Variants in PPME1 observed in about 807,000 individuals in gnomAD.
PPME1 encodes protein phosphatase methylesterase 1, also known as testicular secretory protein Li 39.
A neutral mutation model predicts 56.9 loss-of-function variants in PPME1; 17 were observed. The observed-to-expected ratio is 0.30, with a 90% confidence interval of 0.20 to 0.45. PPME1 has a LOEUF of 0.45. Among genes scored for constraint, PPME1 ranks in the 20% least tolerant of loss-of-function variants. The pLI is 1.00. For synonymous variants in PPME1, 122 were observed against 156.2 expected, an observed-to-expected ratio of 0.78 and a Z score of 1.63; for missense variants, 357 against 483.2, an observed-to-expected ratio of 0.74 and a Z score of 2.45.
rs559947122 is a variant in PPME1 at position 74,184,989 on chromosome 11, CTTTTT to C, written c.101+13491_101+13495del. 4.2e-5 allele frequency among the ~76,000 whole-genome samples: 4 copies of C among 95,744 alleles called. No individual in the cohort carries two copies. The South Asian group carries it at 1.1e-3, about 26-fold the overall frequency. 62.8% of individuals were successfully genotyped at this position (95,744 alleles called of 152,430 possible). A position where few individuals can be genotyped will look rare whatever the true frequency, so the allele number is the denominator to read the frequency against. On this transcript the variant is annotated intron_variant, in intron 1 of 13. Transcript: ENST00000328257. The stretch of plus-strand genomic sequence containing the variant: ...TTTACTGTTTGCTTATGAAGTATGT[CTTTTT>C]TTTTTTTTTTTTTTTTTTTTTTTGA...
chr11:74,239,663 G>A (rs1859300142), intron 9 of PPME1, among the ~76,000 whole-genome samples: 4 of 144,624 alleles, frequency 2.8e-5, no homozygotes, highest in East Asian at 2.1e-4. Flanking sequence ...TGCAAGCTCC[G>A]CCTCCCGGGT....
chr11:74,242,192 C>A (rs1244935698), intron 9 of PPME1, among the ~76,000 whole-genome samples: 3 of 152,188 alleles, frequency 2.0e-5, no homozygotes, highest in Non-Finnish European at 4.4e-5. Flanking sequence ...CATGTAGATA[C>A]CCAATAAACA....
At chr11:74,182,964 C>T (rs1857578676) in intron 1 of PPME1, among the ~76,000 whole-genome samples, 1 of 148,498 alleles carries the variant, frequency 6.7e-6, no homozygotes, top group Non-Finnish European at 1.5e-5. Flanking sequence ...CAAGACCAAC[C>T]TGGGCAACAT....
chr11:74,208,006 C>A (rs890987225), intron 3 of PPME1, among the ~76,000 whole-genome samples: 1 of 152,128 alleles, frequency 6.6e-6, no homozygotes, highest in Admixed American at 6.5e-5. Flanking sequence ...TGCTGAGTCA[C>A]TAAGATTCAA....
At chr11:74,198,795 C>T (rs1858063732) in intron 1 of PPME1, 1 of 152,150 alleles carries the variant, frequency 6.6e-6, no homozygotes, top group African/African-American at 2.4e-5. Context: ...CAGGCCTGAC[C>T]CTGCTTAGCT....
intron 9 of PPME1, chr11:74,243,588 G>A (rs1477447893): frequency 6.6e-6 from 1 of 152,014 alleles, no homozygotes; most frequent in East Asian, 1.9e-4. Flanking sequence ...ATTAACAGTG[G>A]AGAATAGAAT....
intron 5 of PPME1, among the ~76,000 whole-genome samples, chr11:74,227,913 G>A (rs906299199): frequency 2.0e-5 from 3 of 151,982 alleles, no homozygotes; most frequent in Non-Finnish European, 4.4e-5. Context: ...CAGTTGGTGT[G>A]TTTCAGACCT....
chr11:74,253,345 G>T, intron 13 of PPME1, 147 bp from the exon 14 acceptor site: 1 of 779,270 alleles, frequency 1.3e-6, no homozygotes, highest in Admixed American at 2.1e-5. Context: ...CAGACCCTGG[G>T]TCCAGCTCTG....
chr11:74,222,604 T>C, intron 4 of PPME1: 1 of 452,852 alleles, frequency 2.2e-6, no homozygotes. Flanking sequence ...TTATCCTGCC[T>C]CAGTCTCCCC....
chr11:74,220,191 C>T (rs2186561), intron 3 of PPME1, among the ~76,000 whole-genome samples: 15,884 of 152,012 alleles, frequency 0.1, 2,170 homozygotes, highest in African/African-American at 0.32. Flanking sequence ...CTGTTTTGTT[C>T]GCCAAAAAAA....
intron 11 of PPME1, chr11:74,248,925 G>A (rs929519727): frequency 6.6e-6 from 1 of 152,166 alleles, no homozygotes; most frequent in African/African-American, 2.4e-5. Context: ...TAATAGTTTT[G>A]CGGTATGAGT....
intron 1 of PPME1, among the ~76,000 whole-genome samples, chr11:74,201,087 T>G (rs912811843): frequency 7.2e-4 from 109 of 152,194 alleles, no homozygotes; most frequent in African/African-American, 2.5e-3. Context: ...GCCATTCTCC[T>G]GCCTCAGCCT....
intron 3 of PPME1, among the ~76,000 whole-genome samples, chr11:74,211,547 C>T (rs958158811): frequency 3.9e-5 from 6 of 152,150 alleles, no homozygotes; most frequent in African/African-American, 9.6e-5. Flanking sequence ...AATTCAGATA[C>T]GACCTTAAAG....
At chr11:74,181,343 C>A (rs548923194) in intron 1 of PPME1, among the ~76,000 whole-genome samples, 1 of 152,162 alleles carries the variant, frequency 6.6e-6, no homozygotes, top group African/African-American at 2.4e-5. Context: ...CCACCGCGCC[C>A]GGCCCACTTT....
intron 1 of PPME1, among the ~76,000 whole-genome samples, chr11:74,176,674 G>A (rs1857406866): frequency 1.3e-5 from 2 of 148,306 alleles, no homozygotes; most frequent in African/African-American, 5.0e-5. Flanking sequence ...CTTTTTTTGG[G>A]TTATAAAGGA....
intron 1 of PPME1, among the ~76,000 whole-genome samples, chr11:74,171,858 G>A (rs1857247328): frequency 6.6e-6 from 1 of 152,114 alleles, no homozygotes. Flanking sequence ...GAGGAGAATC[G>A]GCCAGGGAAG....
At position 74,198,023 on chromosome 11, in the gene PPME1, G is replaced by C. The variant is rs78273910; in HGVS notation, c.102-5705G>C. ...AAACTTCTTCCTTTGGCAATAGGAG[G>C]GGGGAGGAAATTATTTATTTATTTT... On this transcript the variant is annotated intron_variant, in intron 1 of 13. Transcript: ENST00000328257. Among the ~76,000 whole-genome samples the C allele has an allele frequency of 2.4e-4, 37 of 152,208 alleles. No individual in the cohort carries two copies. The East Asian group carries it at 4.4e-3, about 18-fold the overall frequency.
intron 1 of PPME1, among the ~76,000 whole-genome samples, chr11:74,174,156 C>T (rs775505606): frequency 2.6e-5 from 4 of 151,986 alleles, no homozygotes; most frequent in African/African-American, 4.8e-5. Flanking sequence ...TTGAGGAACC[C>T]AATATTCAGA....
intron 1 of PPME1, among the ~76,000 whole-genome samples, chr11:74,188,985 G>T (rs1221399999): frequency 1.3e-5 from 2 of 152,202 alleles, no homozygotes; most frequent in Non-Finnish European, 2.9e-5. Flanking sequence ...ATTCAGGAAA[G>T]TATAGCTTTT....
Sources: allele counts gnomAD v4.1 joint callset (sites outside exome capture counted in the v4.1 genomes callset), GRCh38; gene constraint gnomAD v4.1.1; transcripts MANE v1.5; gene names NCBI Gene and HGNC (gene_info 2026-07-23, HGNC 2026-07-21).